FBLIM1: variants seen among roughly 807,000 people sequenced by gnomAD.
FBLIM1 encodes the protein filamin binding LIM protein 1.
Under a neutral mutation model 37.4 loss-of-function variants are expected in FBLIM1, and 29 were observed. That is an observed-to-expected ratio of 0.77 (90% CI 0.58 to 1.06). The LOEUF (loss-of-function observed/expected upper bound fraction) is 1.06, where lower values mean the gene tolerates loss of function less well. Ranked by LOEUF, FBLIM1 falls within the 50% of genes least tolerant of loss-of-function variation. The probability of loss-of-function intolerance (pLI) is 0.00; values close to 1 mark genes in which losing one functional copy is unlikely to be tolerated. For synonymous variants in FBLIM1, 193 were observed against 199.0 expected, an observed-to-expected ratio of 0.97 and a Z score of 0.25; for missense variants, 449 against 505.6, an observed-to-expected ratio of 0.89 and a Z score of 1.07.
At chr1:15,758,265 C>G (rs1478216065), upstream of FBLIM1, 1 of 152,274 alleles carries the variant, frequency 6.6e-6, no homozygotes, top group African/African-American at 2.4e-5. The surrounding 1 kb of genome is among the most constrained non-coding windows in gnomAD (Gnocchi z 6.2). Flanking sequence ...GGGTCTCACG[C>G]TTAGTAAACG....
intron 8 of FBLIM1, 35 bp from the exon 9 acceptor site, chr1:15,784,513 C>T: frequency 6.3e-7 from 1 of 1,574,846 alleles, no homozygotes; most frequent in Middle Eastern, 1.7e-4. Flanking sequence ...GCGCCCAGGC[C>T]CAGGGCGGGT....
At chr1:15,779,259 C>T (rs1350272315) in intron 8 of FBLIM1, among the ~76,000 whole-genome samples, 1 of 151,040 alleles carries the variant, frequency 6.6e-6, no homozygotes, top group African/African-American at 2.4e-5. Flanking sequence ...TTGAATGTTA[C>T]TTTTTCACTT....
At chr1:15,761,512 G>T (rs1219537697) in intron 1 of FBLIM1, among the ~76,000 whole-genome samples, 3 of 152,084 alleles carry the variant, frequency 2.0e-5, no homozygotes, top group Admixed American at 2.0e-4. Flanking sequence ...CAAGTCGTTT[G>T]GTATTTCTTT....
At chr1:15,763,438 C>G (rs1002586443) in intron 1 of FBLIM1, among the ~76,000 whole-genome samples, 1 of 151,132 alleles carries the variant, frequency 6.6e-6, no homozygotes, top group African/African-American at 2.4e-5. Flanking sequence ...CAAGACCATC[C>G]TGGTTAACAT....
At chr1:15,760,081 G>C (rs966467095) in intron 1 of FBLIM1, among the ~76,000 whole-genome samples, 2 of 148,478 alleles carry the variant, frequency 1.3e-5, no homozygotes, top group Non-Finnish European at 3.0e-5. Context: ...AAAATTAGCC[G>C]GGTGTGGTGG....
intron 5 of FBLIM1, among the ~76,000 whole-genome samples, chr1:15,769,820 G>A (rs1321906460): frequency 6.6e-6 from 1 of 152,038 alleles, no homozygotes; most frequent in Non-Finnish European, 1.5e-5. Context: ...ATTTTTAGTA[G>A]AGACAGGGTT....
intron 1 of FBLIM1, among the ~76,000 whole-genome samples, chr1:15,760,130 C>G (rs1208735718): frequency 8.6e-5 from 13 of 151,268 alleles, no homozygotes; most frequent in Non-Finnish European, 4.4e-5. Flanking sequence ...GGCTGAGGCA[C>G]GAGAATCGCT....
chr1:15,759,155 C>T (rs2068543341), intron 1 of FBLIM1, among the ~76,000 whole-genome samples: 1 of 152,144 alleles, frequency 6.6e-6, no homozygotes, highest in Non-Finnish European at 1.5e-5. Context: ...GGCGGAAGCT[C>T]CCGCACAAAA....
upstream of FBLIM1, chr1:15,758,348 C>T (rs1179204327): frequency 4.6e-5 from 7 of 152,160 alleles, no homozygotes; most frequent in African/African-American, 1.7e-4. This position sits in a 1 kb window ranked among gnomAD's most constrained non-coding sequence, Gnocchi z 6.2. Flanking sequence ...TCACCTCCGC[C>T]GGACAGGGTA....
At chr1:15,772,369 C>G (rs559903384) in intron 6 of FBLIM1, among the ~76,000 whole-genome samples, 2 of 151,892 alleles carry the variant, frequency 1.3e-5, no homozygotes, top group Non-Finnish European at 2.9e-5. Context: ...GGGTGAGACA[C>G]CAGGGGAGGA....
Position 15,777,223 on chromosome 1 carries a change from G to T in FBLIM1, c.944G>T (p.Gly315Val), listed in dbSNP as rs2069519863. The T allele has an allele frequency of 6.2e-7, 1 of 1,613,050 alleles. No homozygotes were observed. Among genetic ancestry groups the T allele is most frequent in the Admixed American group, 1.7e-5 (1 of 59,884 alleles). ...ICENPIIPRD[G>V]KDAFKIECMG... Reference sequence around the variant, plus strand: ...GAAAATCCCATCATCCCTCGGGATGGGAAAGATGCCTTCAAAATCGAATGC... The same window carrying T: ...GAAAATCCCATCATCCCTCGGGATGTGAAAGATGCCTTCAAAATCGAATGC... The change falls in exon 8 of 9, where the codon GGG becomes GTG. Residue 315 changes from glycine to valine, a missense_variant. Coordinates refer to ENST00000375766, the MANE Select transcript of FBLIM1 (RefSeq NM_017556.4).
chr1:15,782,361 T>A (rs1189564192), intron 8 of FBLIM1, among the ~76,000 whole-genome samples: 1 of 147,840 alleles, frequency 6.8e-6, no homozygotes, highest in Non-Finnish European at 1.5e-5. Flanking sequence ...TGAGCCATGA[T>A]AATGCCACTG....
At chr1:15,777,350 T>C (rs2069523485) in intron 8 of FBLIM1, 63 bp downstream of exon 8, 6 of 1,263,392 alleles carry the variant, frequency 4.7e-6, no homozygotes, top group Non-Finnish European at 6.9e-6. Flanking sequence ...TTAGCTGGGT[T>C]GCTTGGACAT....
At chr1:15,768,015 C>T (rs1044887294) in intron 4 of FBLIM1, among the ~76,000 whole-genome samples, 26 of 152,250 alleles carry the variant, frequency 1.7e-4, no homozygotes, top group African/African-American at 6.3e-4. Flanking sequence ...TCCTGAGTAT[C>T]TGGGATTACA....
chr1:15,775,432 G>T (rs901981795), intron 7 of FBLIM1, among the ~76,000 whole-genome samples: 3 of 151,698 alleles, frequency 2.0e-5, no homozygotes, highest in African/African-American at 7.3e-5. Context: ...CTACTTGGGA[G>T]GCTGAGGCAG....
intron 4 of FBLIM1, 46 bp from the exon 5 acceptor site, chr1:15,768,482 G>A: frequency 7.5e-7 from 1 of 1,326,118 alleles, no homozygotes; most frequent in African/African-American, 1.5e-5. Flanking sequence ...AGCTGGGAGG[G>A]CTGCATGGGG....
At position 15,770,577 on chromosome 1, in the gene FBLIM1, A is replaced by C; in HGVS notation, c.710A>C (p.Gln237Pro). ...DGRPLCEPCY[Q>P]DTLERCGKCG... ...CGACCCCTCTGCGAACCCTGCTACC[A>C]GGTAACCCCTGCAGCAGACCTCTGG... is the stretch of plus-strand genomic sequence containing the variant. The change falls in exon 6 of 9, where the codon CAG becomes CCG. Residue 237 changes from glutamine (Q) to proline (P), a missense_variant and splice_region_variant. Coordinates refer to ENST00000375766, the MANE Select transcript of FBLIM1 (RefSeq NM_017556.4). 1 of 1,613,550 alleles carries C rather than the reference A, an allele frequency of 6.2e-7. No individual in the cohort carries two copies.
chr1:15,768,432 T>G, intron 4 of FBLIM1, 96 bp from the exon 5 acceptor site: 1 of 775,970 alleles, frequency 1.3e-6, no homozygotes, highest in South Asian at 2.6e-5. Flanking sequence ...CTCGGTACAA[T>G]GCGGCTAATT....
Position 15,784,604 on chromosome 1 carries a change from C to T in FBLIM1, c.1065C>T (p.Asn355=). ...CGGACCAAGGCTGCTACCCCCTGAA[C>T]AACCATCTCTTCTGCAAGCCATGCC... ...EPTDQGCYPL[N]NHLFCKPCHV... Residue 355 remains asparagine (N), a synonymous_variant, in exon 9 of 9, where the codon AAC becomes AAT. Coordinates refer to ENST00000375766, the MANE Select transcript of FBLIM1 (RefSeq NM_017556.4). 2 of 1,614,208 alleles carry T rather than the reference C, an allele frequency of 1.2e-6. No individual in the cohort carries two copies. The highest frequency in any genetic ancestry group is 1.7e-6 in the Non-Finnish European group (2 of 1,180,020).
Sources: gnomAD v4.1 joint callset for allele counts (sites outside exome capture counted in the v4.1 genomes callset) on GRCh38, gnomAD v4.1.1 for gene constraint, Gnocchi (gnomAD v3.1) non-coding constraint, MANE v1.5 for transcripts, NCBI Gene and HGNC (gene_info 2026-07-23, HGNC 2026-07-21) for gene names.